The following TRMT2B variants were observed in gnomAD, a reference collection of about 807,000 sequenced individuals.
The protein encoded by TRMT2B is tRNA methyltransferase 2B, also known as tRNA (uracil-5-)-methyltransferase homolog B.
In TRMT2B, 34 loss-of-function variants were observed where a neutral mutation model predicts 39.7. The observed-to-expected ratio is 0.86, with a 90% CI of 0.65 to 1.14. The LOEUF (loss-of-function observed/expected upper bound fraction) is 1.14, where lower values mean the gene tolerates loss of function less well. TRMT2B is among the 50% of genes most tolerant of loss of function. The pLI is 0.00. For synonymous variants in TRMT2B, 132 were observed against 137.3 expected (o/e 0.96, Z 0.27); for missense variants, 318 against 377.2 (o/e 0.84, Z 1.30).
chrX:101,040,067 A>G (rs1228865174), intron 4 of TRMT2B, among the ~76,000 whole-genome samples: 2 of 109,238 alleles, frequency 1.8e-5, no homozygotes, highest in Admixed American at 2.0e-4. Flanking sequence ...GCCAAGGCAG[A>G]CAGATCACCT....
At chrX:101,037,777 TA>T in intron 5 of TRMT2B, 139 bp downstream of exon 5, 1 of 641,079 alleles carries the variant, frequency 1.6e-6, no homozygotes, top group Non-Finnish European at 2.4e-6. Context: ...CAGGTTATTA[TA>T]AACAGTAAAA....
the TRMT2B span, chrX:100,987,378 C>T: frequency 8.3e-7 from 1 of 1,208,562 alleles, no homozygotes; most frequent in South Asian, 1.8e-5. Flanking sequence ...CTTCTCTTCT[C>T]TTTTGTCACA....
At chrX:100,998,887 T>C in the TRMT2B span, among the ~76,000 whole-genome samples, 1 of 111,775 alleles carries the variant, frequency 8.9e-6, no homozygotes, top group Non-Finnish European at 1.9e-5. Context: ...AGGTGTTACA[T>C]ATACAACAGT....
In TRMT2B at chrX:101,051,906, C is replaced by G. The variant is rs993200113; in HGVS notation, c.-596G>C. 2.7e-5 allele frequency: 4 copies of G among 147,213 alleles called. No homozygotes were observed. The highest frequency in any genetic ancestry group is 1.3e-4 in the African/African-American group (4 of 31,588). The allele number at this position is 147,213 out of a possible 1,213,427, so 12.1% of individuals were successfully genotyped here. A position where few individuals can be genotyped will look rare whatever the true frequency, so the allele number is the denominator to read the frequency against. On this transcript the variant is annotated 5_prime_UTR_variant, in exon 1 of 14. Transcript: ENST00000372936. ...CCTGGTGCGCAAGGCGCCTCTACTC[C>G]CGCCGCACGCGCAGCCAACCCTTGG...
At chrX:101,017,641 G>C (rs1427941209) in intron 13 of TRMT2B, among the ~76,000 whole-genome samples, 1 of 112,128 alleles carries the variant, frequency 8.9e-6, no homozygotes. Flanking sequence ...GCTGACCAGG[G>C]TCAGAACTAG....
intron 10 of TRMT2B, among the ~76,000 whole-genome samples, 170 bp from the exon 11 acceptor site, chrX:101,020,758 C>G (rs1236717623): frequency 3.6e-5 from 4 of 112,138 alleles, no homozygotes; most frequent in Non-Finnish European, 5.6e-5. Context: ...CAGCCTCGAC[C>G]TCCCGGGCTA....
the TRMT2B span, among the ~76,000 whole-genome samples, chrX:100,978,626 T>G: frequency 9.2e-6 from 1 of 108,702 alleles, no homozygotes; most frequent in Non-Finnish European, 1.9e-5. Flanking sequence ...GATCATGTGT[T>G]TTTTTTTTTA....
At chrX:101,040,388 G>A (rs1483844069) in intron 4 of TRMT2B, among the ~76,000 whole-genome samples, 1 of 110,956 alleles carries the variant, frequency 9.0e-6, no homozygotes. Context: ...CACCAGATGT[G>A]GATGGGTATG....
At chrX:101,029,558 A>T (rs1156975184) in intron 7 of TRMT2B, among the ~76,000 whole-genome samples, 1 of 111,747 alleles carries the variant, frequency 8.9e-6, no homozygotes, top group Non-Finnish European at 1.9e-5. Context: ...ATTTTTTAAA[A>T]AATCTGTCTC....
chrX:100,991,533 C>T, the TRMT2B span, among the ~76,000 whole-genome samples: 1 of 110,807 alleles, frequency 9.0e-6, no homozygotes, highest in African/African-American at 3.3e-5. Flanking sequence ...CGCCCACCAC[C>T]ACGGCCAGCT....
Position 101,042,221 on chromosome X carries a change from G to A in TRMT2B, c.69C>T (p.Phe23=), listed in dbSNP as rs199660372. ...LRYFISMVGL[F]SKPGLLPWYA... Reference sequence around the variant, plus strand: ...ACCAGGGAAGCAGTCCTGGTTTGGAGAAGAGACCCACCATGGAGATGAAGT... The same window carrying A: ...ACCAGGGAAGCAGTCCTGGTTTGGAAAAGAGACCCACCATGGAGATGAAGT... The change falls in exon 3 of 14, where the codon TTC becomes TTT. Residue 23 remains phenylalanine, a synonymous_variant. Coordinates refer to ENST00000372936, the MANE Select transcript of TRMT2B (RefSeq NM_024917.6). 91 of 1,210,771 alleles carry A rather than the reference G, an allele frequency of 7.5e-5. No individual in the cohort carries two copies. The highest frequency in any genetic ancestry group is 4.5e-6 in the Non-Finnish European group (4 of 895,385).
chrX:101,003,513 TA>T, the TRMT2B span, among the ~76,000 whole-genome samples: 716 of 110,872 alleles, frequency 6.5e-3, 5 homozygotes, highest in African/African-American at 0.023. Context: ...CACGCCCAGC[TA>T]ATTTTTGTAT....
downstream of TRMT2B, among the ~76,000 whole-genome samples, chrX:101,004,805 A>G (rs188957445): frequency 1.8e-5 from 2 of 111,542 alleles, no homozygotes; most frequent in Admixed American, 9.7e-5. Context: ...CCGGCCATCA[A>G]AAATGTTTTA....
chrX:101,017,902 G>T (rs959712644), intron 13 of TRMT2B, among the ~76,000 whole-genome samples: 4 of 111,830 alleles, frequency 3.6e-5, no homozygotes, highest in Non-Finnish European at 7.5e-5. Context: ...GTAATATTTT[G>T]TTCATCATGA....
At chrX:100,985,836 C>T in the TRMT2B span, 2 of 1,209,677 alleles carry the variant, frequency 1.7e-6, no homozygotes, top group African/African-American at 3.5e-5. Flanking sequence ...ATTCCAGTGA[C>T]ATAAGACGCA....
At chrX:101,038,095 C>T (rs376054245) in intron 4 of TRMT2B, 44 bp from the exon 5 acceptor site, 87 of 1,172,404 alleles carry the variant, frequency 7.4e-5, no homozygotes, top group East Asian at 5.5e-4. Flanking sequence ...TGGCTGGGCA[C>T]GGTGGCTCAC....
the TRMT2B span, among the ~76,000 whole-genome samples, chrX:101,001,824 CAAAAAAAAA>C: frequency 1.7e-5 from 1 of 59,977 alleles, no homozygotes; most frequent in Non-Finnish European, 3.0e-5. Context: ...AAGTGATATT[CAAAAAAAAA>C]AAAAAAAAAA....
the TRMT2B span, among the ~76,000 whole-genome samples, chrX:100,993,662 T>C: frequency 8.9e-6 from 1 of 111,812 alleles, no homozygotes; most frequent in African/African-American, 3.3e-5. Flanking sequence ...GCAATGTAGG[T>C]GTTCCTGGGT....
intron 10 of TRMT2B, 62 bp from the exon 11 acceptor site, chrX:101,020,650 G>T (rs112699426): frequency 1.3e-6 from 1 of 789,203 alleles, no homozygotes; most frequent in Non-Finnish European, 1.9e-6. Context: ...TAGTTTGTTT[G>T]TTTTTTGTTT....
Sources: allele counts gnomAD v4.1 joint callset (sites outside exome capture counted in the v4.1 genomes callset), GRCh38; gene constraint gnomAD v4.1.1; transcripts MANE v1.5; gene names NCBI Gene and HGNC (gene_info 2026-07-23, HGNC 2026-07-21).